Variants in RASGEF1B observed in about 807,000 individuals in gnomAD.
RASGEF1B encodes the protein ras-GEF domain-containing family member 1B.
A neutral mutation model predicts 65.7 loss-of-function variants in RASGEF1B; 30 were observed. That is an observed-to-expected ratio of 0.46 (90% confidence interval 0.34 to 0.62). RASGEF1B has a LOEUF of 0.62. Among genes scored for constraint, RASGEF1B ranks in the 20% least tolerant of loss-of-function variants. The pLI is 0.01. For missense variants in RASGEF1B, 495 were observed against 580.1 expected, an observed-to-expected ratio of 0.85 and a Z score of 1.51; for synonymous variants, 175 against 194.8, an observed-to-expected ratio of 0.90 and a Z score of 0.85.
intron 1 of RASGEF1B, among the ~76,000 whole-genome samples, chr4:81,468,600 T>C (rs1722927365): frequency 6.6e-6 from 1 of 152,196 alleles, no homozygotes; most frequent in Non-Finnish European, 1.5e-5. Context: ...ACCAATCTTT[T>C]TGATAATCAT....
At chr4:81,449,651 T>C (rs908953221) in intron 4 of RASGEF1B, among the ~76,000 whole-genome samples, 2 of 152,236 alleles carry the variant, frequency 1.3e-5, no homozygotes, top group African/African-American at 4.8e-5. Flanking sequence ...CCTATGTTTA[T>C]GGCTCCATTG....
intron 10 of RASGEF1B, among the ~76,000 whole-genome samples, chr4:81,435,463 ATTTTTTTT>A (rs1200565994): frequency 1.3e-5 from 1 of 78,364 alleles, no homozygotes; most frequent in East Asian, 3.7e-4. Flanking sequence ...GCAGGCACCG[ATTTTTTTT>A]TTTTTTTTTT....
At position 81,446,857 on chromosome 4, in the gene RASGEF1B, G is replaced by A. The variant is rs1179085385; in HGVS notation, c.729+647C>T. Among the ~76,000 whole-genome samples, 8 of 152,318 alleles carry A rather than the reference G, an allele frequency of 5.3e-5. 1 individual carries two copies. The South Asian group carries it at 1.2e-3, about 24-fold the overall frequency. On this transcript the variant is annotated intron_variant, in intron 6 of 13. Transcript: ENST00000264400. The stretch of plus-strand genomic sequence containing the variant: ...TATTAGGAGACACTATTCTAAGGCC[G>A]GAAAGCAGCTGTTGCCCCCACTCTC...
chr4:81,458,214 A>G (rs1722517576), intron 2 of RASGEF1B, among the ~76,000 whole-genome samples: 2 of 152,250 alleles, frequency 1.3e-5, no homozygotes, highest in Admixed American at 1.3e-4. Flanking sequence ...ATAACACTAT[A>G]TACTTTTCTT....
intron 8 of RASGEF1B, among the ~76,000 whole-genome samples, chr4:81,443,412 A>G (rs1179498158): frequency 6.6e-6 from 1 of 152,180 alleles, no homozygotes; most frequent in Non-Finnish European, 1.5e-5. Context: ...ATGACCCCAG[A>G]AAGCTCCTTT....
rs570911157 is a variant in RASGEF1B at position 81,434,514 on chromosome 4, T to C, written c.1200+125A>G. 5.8e-6 allele frequency: 4 copies of C among 690,350 alleles called. No individual in the cohort carries two copies. In the African/African-American group the frequency reaches 7.2e-5, roughly 12 times the overall value. 42.8% of individuals were successfully genotyped at this position (690,350 alleles called of 1,614,324 possible). A position where few individuals can be genotyped will look rare whatever the true frequency, so the allele number is the denominator to read the frequency against. Reference sequence around the variant, plus strand: ...ATTGTTAATTTCTAACAAAATAATATGGAAAGAGATAATTTGTTCTGAAAC... The same window carrying C: ...ATTGTTAATTTCTAACAAAATAATACGGAAAGAGATAATTTGTTCTGAAAC... On this transcript the variant is annotated intron_variant, in intron 11 of 13. Coordinates refer to ENST00000264400, the MANE Select transcript of RASGEF1B (RefSeq NM_152545.3).
At position 81,460,847 on chromosome 4, in the gene RASGEF1B, A is replaced by C. The variant is rs141983045; in HGVS notation, c.-6-1333T>G. ...CCTCCACAAACCAGTGTTGAGGGAC[A>C]ATTTAACGGGATCCATGAAAAAGCC... On this transcript the variant is annotated intron_variant, in intron 1 of 13. Coordinates refer to ENST00000264400, the MANE Select transcript of RASGEF1B (RefSeq NM_152545.3). 1.9e-3 allele frequency among the ~76,000 whole-genome samples: 297 copies of C among 152,330 alleles called. 1 individual carries two copies. Among genetic ancestry groups the C allele is most frequent in the Middle Eastern group, 0.01 (3 of 294 alleles).
At chr4:81,463,334 T>G (rs1354942952) in intron 1 of RASGEF1B, among the ~76,000 whole-genome samples, 2 of 152,138 alleles carry the variant, frequency 1.3e-5, no homozygotes, top group East Asian at 3.8e-4. Flanking sequence ...AATTATAATA[T>G]CCTCAAAACT....
chr4:81,468,924 T>G (rs1722936559), intron 1 of RASGEF1B, among the ~76,000 whole-genome samples: 1 of 152,058 alleles, frequency 6.6e-6, no homozygotes, highest in Non-Finnish European at 1.5e-5. Context: ...AATAAATCAC[T>G]GATTAGGGCT....
At chr4:81,467,519 ATTCT>A (rs1311662869) in intron 1 of RASGEF1B, among the ~76,000 whole-genome samples, 119 of 152,326 alleles carry the variant, frequency 7.8e-4, no homozygotes, top group East Asian at 1.5e-3. Flanking sequence ...TAATGCATAC[ATTCT>A]TTATGCATTA....
intron 1 of RASGEF1B, among the ~76,000 whole-genome samples, chr4:81,466,075 T>C (rs1018036083): frequency 3.9e-5 from 6 of 152,202 alleles, no homozygotes; most frequent in African/African-American, 1.4e-4. Flanking sequence ...AGAAAAACAC[T>C]TAAGTAGATG....
At chr4:81,456,203 C>G (rs1363190580) in intron 4 of RASGEF1B, 4 of 394,048 alleles carry the variant, frequency 1.0e-5, no homozygotes. Context: ...TCTGCCATGG[C>G]CCAGAATGTC....
intron 8 of RASGEF1B, among the ~76,000 whole-genome samples, chr4:81,443,155 T>C (rs1443571211): frequency 3.9e-5 from 6 of 152,212 alleles, no homozygotes; most frequent in Non-Finnish European, 8.8e-5. Context: ...GTACTATAAC[T>C]ATTCAGAAAA....
intron 9 of RASGEF1B, among the ~76,000 whole-genome samples, chr4:81,441,197 T>C (rs576516220): frequency 3.5e-4 from 54 of 152,288 alleles, no homozygotes; most frequent in African/African-American, 1.1e-3. Flanking sequence ...TGAGCTTAGA[T>C]GTAAAACAAA....
intron 10 of RASGEF1B, among the ~76,000 whole-genome samples, chr4:81,437,850 A>T (rs567038257): frequency 6.6e-6 from 1 of 152,350 alleles, no homozygotes; most frequent in East Asian, 1.9e-4. Context: ...CCCCTACACA[A>T]ATCTAATATA....
chr4:81,455,191 C>T (rs1722401260), intron 4 of RASGEF1B: 1 of 152,258 alleles, frequency 6.6e-6, no homozygotes, highest in Admixed American at 6.5e-5. Flanking sequence ...AATTCCAGCA[C>T]TTTGGGAGGC....
intron 1 of RASGEF1B, among the ~76,000 whole-genome samples, chr4:81,464,080 T>C (rs973552186): frequency 2.6e-5 from 4 of 152,190 alleles, no homozygotes; most frequent in African/African-American, 9.7e-5. Flanking sequence ...CCTTCCTTAT[T>C]GGCAGCAAAT....
intron 13 of RASGEF1B, 42 bp downstream of exon 13, chr4:81,432,257 T>C (rs1233929060): frequency 3.6e-6 from 5 of 1,388,072 alleles, no homozygotes; most frequent in Non-Finnish European, 5.1e-6. Context: ...GGAAAGCCAA[T>C]TTCCTTCAGA....
chr4:81,466,835 T>C (rs1340254229), intron 1 of RASGEF1B, among the ~76,000 whole-genome samples: 1 of 105,140 alleles, frequency 9.5e-6, no homozygotes, highest in Non-Finnish European at 2.1e-5. Flanking sequence ...AATTTCCAGA[T>C]TATCTTCCCA....
Sources: gnomAD v4.1 joint callset for allele counts (sites outside exome capture counted in the v4.1 genomes callset) on GRCh38, gnomAD v4.1.1 for gene constraint, MANE v1.5 for transcripts, NCBI Gene and HGNC (gene_info 2026-07-23, HGNC 2026-07-21) for gene names.